The following IMPG1 variants were observed in gnomAD, a reference collection of about 807,000 sequenced individuals.
The protein encoded by IMPG1 is interphotoreceptor matrix proteoglycan of 150 kDa.
A neutral mutation model predicts 92.0 loss-of-function variants in IMPG1; 85 were observed. The ratio of observed to expected loss-of-function variants is 0.92; its 90% CI spans 0.78 to 1.11. IMPG1 has a LOEUF of 1.11. IMPG1 is among the 50% of genes least tolerant of loss of function. The pLI, the probability that IMPG1 is intolerant of heterozygous loss-of-function variation, is 0.00. For synonymous variants in IMPG1, 367 were observed against 334.1 expected (o/e 1.10, Z -1.08); for missense variants, 1,022 against 956.0 (o/e 1.07, Z -0.91).
At chr6:75,926,829 A>G (rs972863219) in intron 15 of IMPG1, among the ~76,000 whole-genome samples, 3 of 152,212 alleles carry the variant, frequency 2.0e-5, no homozygotes, top group Non-Finnish European at 4.4e-5. Context: ...ATAGTTACAA[A>G]TATTGGATGG....
chr6:76,066,522 A>G (rs1784313065), intron 1 of IMPG1, among the ~76,000 whole-genome samples: 1 of 152,138 alleles, frequency 6.6e-6, no homozygotes, highest in Admixed American at 6.6e-5. Flanking sequence ...TAACATTTCT[A>G]ACTACATATG....
intron 13 of IMPG1, 41 bp from the exon 14 acceptor site, chr6:75,947,574 GT>G: frequency 7.3e-7 from 1 of 1,373,898 alleles, no homozygotes; most frequent in Admixed American, 1.8e-5. Context: ...TGTGTTCTAA[GT>G]GCTCAGCTGC....
intron 9 of IMPG1, among the ~76,000 whole-genome samples, chr6:76,006,505 C>T (rs1010507731): frequency 7.2e-6 from 1 of 138,648 alleles, no homozygotes; most frequent in African/African-American, 2.8e-5. Context: ...TATATATACA[C>T]CTATATACAT....
chr6:76,047,035 C>T (rs780156474), intron 1 of IMPG1, among the ~76,000 whole-genome samples: 8 of 152,134 alleles, frequency 5.3e-5, no homozygotes, highest in Non-Finnish European at 1.0e-4. Flanking sequence ...GGGAAAAATG[C>T]ACCTCACAAG....
chr6:75,937,101 C>A (rs1006480551), intron 14 of IMPG1, among the ~76,000 whole-genome samples: 2 of 151,964 alleles, frequency 1.3e-5, no homozygotes, highest in African/African-American at 2.4e-5. Context: ...GGAGACAGGG[C>A]CAGGGATGTA....
chr6:75,990,147 C>T (rs1397780592), intron 12 of IMPG1, among the ~76,000 whole-genome samples: 1 of 152,108 alleles, frequency 6.6e-6, no homozygotes, highest in Non-Finnish European at 1.5e-5. Flanking sequence ...TGAAGTATGG[C>T]GAGTTTTGGA....
chr6:75,923,331 A>G (rs965236629), intron 16 of IMPG1, among the ~76,000 whole-genome samples: 7 of 152,114 alleles, frequency 4.6e-5, no homozygotes, highest in Non-Finnish European at 8.8e-5. Context: ...TTATTACTGT[A>G]AAGATTTCAA....
intron 12 of IMPG1, among the ~76,000 whole-genome samples, chr6:75,964,271 A>G (rs1186144830): frequency 6.6e-6 from 1 of 152,216 alleles, no homozygotes; most frequent in East Asian, 1.9e-4. Context: ...GAGATGATGA[A>G]AGATTTCTGG....
In IMPG1 at chr6:75,922,153, C is replaced by A; in HGVS notation, c.2330G>T (p.Arg777Ile). Residue 777 changes from arginine to isoleucine, a missense_variant, in exon 17 of 17, where the codon AGA (arginine) becomes ATA (isoleucine). Around this residue, in one of 3 missense-constraint regions of IMPG1, gnomAD observed 332 missense variants for 346.2 expected, o/e 0.96. Transcript: ENST00000369950. ...NQQNNKVISK[R>I]NSELLTVEYE... ...TTCTACGGTCAGTAATTCAGAATTT[C>A]TTTTACTGATTACCTGAAAGAGAAA... 7.4e-7 allele frequency: 1 copy of A among 1,347,594 alleles called. No homozygotes were observed. The highest frequency in any genetic ancestry group is 1.1e-6 in the Non-Finnish European group (1 of 950,604). 83.5% of individuals were successfully genotyped at this position (1,347,594 alleles called of 1,614,324 possible).
intron 7 of IMPG1, 50 bp from the exon 8 acceptor site, chr6:76,011,274 G>T (rs760852249): frequency 5.5e-6 from 5 of 916,602 alleles, no homozygotes; most frequent in Non-Finnish European, 8.8e-6. Context: ...TGCTGGGTCA[G>T]TTCTTGCCTA....
At chr6:75,929,047 C>T (rs1253356159) in intron 15 of IMPG1, among the ~76,000 whole-genome samples, 3 of 152,196 alleles carry the variant, frequency 2.0e-5, no homozygotes, top group East Asian at 1.9e-4. Context: ...TGTTTCATGA[C>T]TCAAAGCAGT....
intron 12 of IMPG1, among the ~76,000 whole-genome samples, chr6:75,977,596 A>AC (rs1423733055): frequency 1.3e-5 from 2 of 151,870 alleles, no homozygotes; most frequent in African/African-American, 4.8e-5. Context: ...TCAAAAAAAA[A>AC]AAAAACAAAA....
At chr6:76,068,556 C>T (rs1784351102) in intron 1 of IMPG1, among the ~76,000 whole-genome samples, 1 of 146,480 alleles carries the variant, frequency 6.8e-6, no homozygotes, top group African/African-American at 2.5e-5. Context: ...TCCCTGTTAC[C>T]CAGGCTGGAG....
intron 12 of IMPG1, among the ~76,000 whole-genome samples, chr6:75,982,565 A>ATC (rs1782645287): frequency 3.8e-5 from 3 of 78,824 alleles, no homozygotes; most frequent in African/African-American, 8.0e-5. Flanking sequence ...ATCTATCTAT[A>ATC]TATCTATATA....
intron 12 of IMPG1, among the ~76,000 whole-genome samples, chr6:75,984,872 T>C (rs1782688058): frequency 6.6e-6 from 1 of 152,148 alleles, no homozygotes; most frequent in Admixed American, 6.5e-5. Flanking sequence ...ACTCTTGCCA[T>C]GTGACATGCT....
rs1162170532 is a variant in IMPG1, at chr6:75,957,797, G to A, written c.1292-6703C>T. ...ATCCCTTTATTTTGAGCCTATGTGT[G>A]TCTTTGCATGTGAAATGGGTCTCCT... On this transcript the variant is annotated intron_variant, in intron 12 of 16. Transcript: ENST00000369950. 5.3e-5 allele frequency among the ~76,000 whole-genome samples: 8 copies of A among 152,104 alleles called. No individual in the cohort carries two copies. The East Asian group carries it at 1.5e-3, about 29-fold the overall frequency.
Position 76,033,684 on chromosome 6 carries a change from C to T in IMPG1, c.497+631G>A, listed in dbSNP as rs117599469. 5.7e-3 allele frequency among the ~76,000 whole-genome samples: 873 copies of T among 152,296 alleles called. 10 individuals are homozygous for T. Among genetic ancestry groups the T allele is most frequent in the Non-Finnish European group, 6.5e-3 (445 of 68,026 alleles). On this transcript the variant is annotated intron_variant, in intron 4 of 16. Transcript: ENST00000369950. The stretch of plus-strand genomic sequence containing the variant: ...GTAATTCATATGGCCAAATTTGCGT[C>T]TCTCTTTGTAGTATTATCTTCAGAT...
chr6:76,029,560 C>G (rs1406213409), intron 4 of IMPG1, among the ~76,000 whole-genome samples: 1 of 152,182 alleles, frequency 6.6e-6, no homozygotes, highest in Non-Finnish European at 1.5e-5. Flanking sequence ...TAGACTAACC[C>G]TGCTTGTTCC....
intron 1 of IMPG1, among the ~76,000 whole-genome samples, chr6:76,048,752 AC>A (rs765727358): frequency 4.6e-5 from 7 of 152,176 alleles, no homozygotes; most frequent in African/African-American, 7.2e-5. Flanking sequence ...CTGACGCAAA[AC>A]TATTTAAAAA....
Sources: gnomAD v4.1 joint callset for allele counts (sites outside exome capture counted in the v4.1 genomes callset) on GRCh38, gnomAD v4.1.1 for gene constraint, gnomAD v4.1.1 regional missense constraint, MANE v1.5 for transcripts, NCBI Gene and HGNC (gene_info 2026-07-23, HGNC 2026-07-21) for gene names.